The following RALGPS2 variants were observed in gnomAD, a reference collection of about 807,000 sequenced individuals.
RALGPS2 encodes the protein Ral GEF with PH domain and SH3 binding motif 2.
In RALGPS2, 43 loss-of-function variants were observed where a neutral mutation model predicts 86.8. The observed-to-expected ratio is 0.50, with a 90% CI of 0.39 to 0.64. RALGPS2 has a LOEUF of 0.64. RALGPS2 is among the 30% of genes least tolerant of loss of function. RALGPS2 has a pLI of 0.00. For missense variants in RALGPS2, 536 were observed against 694.6 expected (o/e 0.77, Z 2.57); for synonymous variants, 243 against 231.3 (o/e 1.05, Z -0.46).
intron 1 of RALGPS2, among the ~76,000 whole-genome samples, chr1:178,726,510 G>A (rs1357074103): frequency 6.6e-6 from 1 of 151,676 alleles, no homozygotes; most frequent in Non-Finnish European, 1.5e-5. Context: ...GTTAGCTGTG[G>A]AGGAGGGGCA....
chr1:178,909,643 A>ATTTTTTTTTTTTTTTTTTTTTTTTTTT (rs57890269), intron 19 of RALGPS2, among the ~76,000 whole-genome samples: 1 of 72,384 alleles, frequency 1.4e-5, no homozygotes, highest in Non-Finnish European at 2.5e-5. Context: ...TTCTTTTTTA[A>ATTTTTTTTTTTTTTTTTTTTTTTTTTT]TTTTTTTTTT....
At chr1:178,884,353 A>G (rs868364803) in intron 11 of RALGPS2, among the ~76,000 whole-genome samples, 4 of 152,202 alleles carry the variant, frequency 2.6e-5, no homozygotes, top group East Asian at 1.9e-4. Flanking sequence ...TTTAAAAAAC[A>G]TAAAATTATC....
intron 8 of RALGPS2, among the ~76,000 whole-genome samples, chr1:178,863,847 T>C (rs1335069068): frequency 6.6e-6 from 1 of 152,248 alleles, no homozygotes; most frequent in Non-Finnish European, 1.5e-5. Flanking sequence ...CGAAGTGGTA[T>C]TCACTGACAG....
chr1:178,753,614 T>C (rs116315697), intron 1 of RALGPS2: 2 of 152,168 alleles, frequency 1.3e-5, no homozygotes, highest in African/African-American at 4.8e-5. Context: ...TTTTAAAATT[T>C]ATGTTGTAGC....
intron 2 of RALGPS2, among the ~76,000 whole-genome samples, chr1:178,782,854 A>G (rs947490034): frequency 1.2e-4 from 18 of 152,206 alleles, no homozygotes; most frequent in African/African-American, 4.1e-4. Context: ...TTATAAGCAC[A>G]GCATAATGCC....
At chr1:178,913,507 A>G (rs1371743003) in intron 19 of RALGPS2, among the ~76,000 whole-genome samples, 1 of 152,198 alleles carries the variant, frequency 6.6e-6, no homozygotes, top group Non-Finnish European at 1.5e-5. Flanking sequence ...GTTAAGAACC[A>G]TTGCTGGGAA....
chr1:178,869,136 A>C (rs1658594578), intron 8 of RALGPS2: 1 of 152,048 alleles, frequency 6.6e-6, no homozygotes, highest in Admixed American at 6.6e-5. Context: ...GTCTTTACTT[A>C]GTTGTTTTTA....
chr1:178,732,773 G>A (rs1308343757), intron 1 of RALGPS2, among the ~76,000 whole-genome samples: 1 of 149,796 alleles, frequency 6.7e-6, no homozygotes, highest in Non-Finnish European at 1.5e-5. Flanking sequence ...AATTCATCAA[G>A]TGCTTTTTCT....
rs889076283 is a variant in RALGPS2 at position 178,919,453 on chromosome 1, T to G, written c.*3094T>G. 6.6e-6 allele frequency: 1 copy of G among 152,004 alleles called. No individual in the cohort carries two copies. 9.4% of individuals were successfully genotyped at this position (152,004 alleles called of 1,614,324 possible). A position where few individuals can be genotyped will look rare whatever the true frequency, so the allele number is the denominator to read the frequency against. On this transcript the variant is annotated 3_prime_UTR_variant, in exon 20 of 20. Transcript: ENST00000367635. Reference sequence around the variant, plus strand: ...GTTTGTATAAGTGGCTTTATTCCTCTTCTAGAAGATTTATGAGGAGCCTAG... The same window carrying G: ...GTTTGTATAAGTGGCTTTATTCCTCGTCTAGAAGATTTATGAGGAGCCTAG...
chr1:178,875,321 A>G (rs1194283303), intron 8 of RALGPS2, among the ~76,000 whole-genome samples: 1 of 152,212 alleles, frequency 6.6e-6, no homozygotes, highest in Admixed American at 6.5e-5. Flanking sequence ...CGAAGAATAA[A>G]AGAAGTGTAC....
At chr1:178,843,972 G>A (rs1044998269) in intron 8 of RALGPS2, among the ~76,000 whole-genome samples, 3 of 152,148 alleles carry the variant, frequency 2.0e-5, no homozygotes, top group Admixed American at 6.5e-5. Context: ...TAGATTAAAT[G>A]TATTTAATCT....
intron 1 of RALGPS2, among the ~76,000 whole-genome samples, chr1:178,739,736 CAGAT>C (rs1650917526): frequency 6.6e-6 from 1 of 152,188 alleles, no homozygotes; most frequent in African/African-American, 2.4e-5. Context: ...CAAAAGGTGA[CAGAT>C]AGAACTCATT....
chr1:178,871,979 G>T (rs141042470), intron 8 of RALGPS2, among the ~76,000 whole-genome samples: 156 of 152,338 alleles, frequency 1.0e-3, no homozygotes, highest in African/African-American at 3.6e-3. Flanking sequence ...AAATAACTCA[G>T]TAGCTGAAGA....
chr1:178,864,894 T>C (rs563773875), intron 8 of RALGPS2: 87 of 1,164,180 alleles, frequency 7.5e-5, no homozygotes, highest in Non-Finnish European at 9.5e-5. Context: ...GAGCATTGTT[T>C]CATAAGGCAT....
chr1:178,729,390 C>T (rs559920443), intron 1 of RALGPS2, among the ~76,000 whole-genome samples: 47 of 152,220 alleles, frequency 3.1e-4, no homozygotes, highest in Middle Eastern at 3.4e-3. Context: ...ACACTGTTCT[C>T]TTCCTAGCAC....
rs1004224574 is a variant in RALGPS2, at chr1:178,918,889, T to G, written c.*2530T>G. ...TTCATTCGTGGGAAGATGAATCTTC[T>G]TATTAAGCCTGCCCTCAATTGTAAA... On this transcript the variant is annotated 3_prime_UTR_variant, in exon 20 of 20. Coordinates refer to ENST00000367635, the MANE Select transcript of RALGPS2 (RefSeq NM_152663.5). 6.6e-6 allele frequency: 1 copy of G among 152,092 alleles called. No individual in the cohort carries two copies. The highest frequency in any genetic ancestry group is 2.1e-4 in the South Asian group (1 of 4,834). The allele number at this position is 152,092 out of a possible 1,614,324, so 9.4% of individuals were successfully genotyped here. A position where few individuals can be genotyped will look rare whatever the true frequency, so the allele number is the denominator to read the frequency against.
intron 10 of RALGPS2, among the ~76,000 whole-genome samples, chr1:178,882,041 G>A (rs1368510806): frequency 2.0e-5 from 3 of 152,102 alleles, no homozygotes; most frequent in Non-Finnish European, 4.4e-5. Context: ...TTTTAATACT[G>A]AACATATCTG....
At chr1:178,749,373 C>T (rs1385160364) in intron 1 of RALGPS2, among the ~76,000 whole-genome samples, 2 of 152,142 alleles carry the variant, frequency 1.3e-5, no homozygotes, top group African/African-American at 4.8e-5. Flanking sequence ...ATAATCCCAG[C>T]TACTCAGGAG....
chr1:178,756,589 G>GTGTGA, intron 1 of RALGPS2, among the ~76,000 whole-genome samples: 1 of 152,278 alleles, frequency 6.6e-6, no homozygotes, highest in Non-Finnish European at 1.5e-5. Context: ...AACTCAGGTA[G>GTGTGA]TGTGATGCAT....
Sources: gnomAD v4.1 joint callset for allele counts (sites outside exome capture counted in the v4.1 genomes callset) on GRCh38, gnomAD v4.1.1 for gene constraint, MANE v1.5 for transcripts, NCBI Gene and HGNC (gene_info 2026-07-23, HGNC 2026-07-21) for gene names.